The following ADAMTS17 variants were observed in gnomAD, a reference collection of about 807,000 sequenced individuals.
ADAMTS17 encodes the protein ADAM metallopeptidase with thrombospondin type 1 motif 17.
Under a neutral mutation model 141.5 loss-of-function variants are expected in ADAMTS17, and 113 were observed. The ratio of observed to expected loss-of-function variants is 0.80; its 90% CI spans 0.69 to 0.93. ADAMTS17 has a LOEUF of 0.93. Ranked by LOEUF, ADAMTS17 falls within the 40% of genes least tolerant of loss-of-function variation. ADAMTS17 has a pLI of 0.00. For missense variants in ADAMTS17, 1,659 were observed against 1,517.9 expected, an observed-to-expected ratio of 1.09 and a Z score of -1.54; for synonymous variants, 768 against 630.6, an observed-to-expected ratio of 1.22 and a Z score of -3.27.
chr15:100,292,870 C>T (rs887860227), intron 3 of ADAMTS17, among the ~76,000 whole-genome samples: 2 of 152,150 alleles, frequency 1.3e-5, no homozygotes, highest in East Asian at 1.9e-4. Flanking sequence ...TCCAGCAGGA[C>T]GAAGGATACC....
At chr15:100,223,344 G>C (rs2042193615) in intron 7 of ADAMTS17, among the ~76,000 whole-genome samples, 1 of 152,018 alleles carries the variant, frequency 6.6e-6, no homozygotes, top group Non-Finnish European at 1.5e-5. Context: ...TTTTTTTTCA[G>C]TATTAGAAGA....
chr15:100,137,836 A>G (rs936463664), intron 10 of ADAMTS17, among the ~76,000 whole-genome samples: 2 of 151,908 alleles, frequency 1.3e-5, no homozygotes, highest in Non-Finnish European at 2.9e-5. Context: ...CCACCCTTTC[A>G]CTGCCAACAC....
intron 3 of ADAMTS17, among the ~76,000 whole-genome samples, chr15:100,330,260 T>C (rs1008501530): frequency 6.6e-6 from 1 of 152,116 alleles, no homozygotes; most frequent in African/African-American, 2.4e-5. Flanking sequence ...ATCAGGATGT[T>C]GGGGGACAGG....
rs1011995546 is a variant in ADAMTS17, at chr15:100,287,144, C to T, written c.617-5743G>A. ...CAGAGGTTGCAGTGAGCCAAGATCA[C>T]GCCACCACACTCCAGCCTGGTGACA... is the stretch of plus-strand genomic sequence containing the variant. On this transcript the variant is annotated intron_variant, in intron 3 of 21. Transcript: ENST00000268070. Among the ~76,000 whole-genome samples, 13 of 152,074 alleles carry T rather than the reference C, an allele frequency of 8.5e-5. No homozygotes were observed. The East Asian group carries it at 1.4e-3, about 16-fold the overall frequency.
chr15:100,084,432 C>G (rs1046037817), intron 15 of ADAMTS17, among the ~76,000 whole-genome samples: 2 of 152,214 alleles, frequency 1.3e-5, no homozygotes, highest in South Asian at 4.1e-4. Context: ...CACAGACAAA[C>G]AAAAGGCAGG....
chr15:100,334,807 C>T (rs1319119190), intron 2 of ADAMTS17, among the ~76,000 whole-genome samples: 1 of 152,208 alleles, frequency 6.6e-6, no homozygotes, highest in Non-Finnish European at 1.5e-5. Flanking sequence ...GGGGGTCCCT[C>T]ACTTCAGTGT....
chr15:100,026,703 T>G (rs2061521367), intron 18 of ADAMTS17, among the ~76,000 whole-genome samples: 1 of 152,232 alleles, frequency 6.6e-6, no homozygotes, highest in Admixed American at 6.5e-5. Context: ...CAGGCATGGC[T>G]TCTGTTTTTA....
In ADAMTS17 at chr15:99,993,605, C is replaced by T. The variant is rs1045056127; in HGVS notation, c.2797-405G>A. Among the ~76,000 whole-genome samples, 1 of 152,186 alleles carries T rather than the reference C, an allele frequency of 6.6e-6. No individual in the cohort carries two copies. The highest frequency in any genetic ancestry group is 2.4e-5 in the African/African-American group (1 of 41,442). On this transcript the variant is annotated intron_variant, in intron 19 of 21. Transcript: ENST00000268070. This position sits in a 1 kb window ranked among gnomAD's most constrained non-coding sequence, Gnocchi z 4.3. Reference sequence around the variant, plus strand: ...CAAGGTGAGGCCCTAAAGCTGAGTCCCAGGCCCCAGATCTTTCCAGCTGGC... The same window carrying T: ...CAAGGTGAGGCCCTAAAGCTGAGTCTCAGGCCCCAGATCTTTCCAGCTGGC...
rs900529988 is a variant in ADAMTS17 at position 99,997,933 on chromosome 15, C to T, written c.2592-344G>A. Among the ~76,000 whole-genome samples, 2 of 152,178 alleles carry T rather than the reference C, an allele frequency of 1.3e-5. No individual in the cohort carries two copies. The highest frequency in any genetic ancestry group is 2.4e-5 in the African/African-American group (1 of 41,444). On this transcript the variant is annotated intron_variant, in intron 18 of 21. Transcript: ENST00000268070. This position sits in a 1 kb window ranked among gnomAD's most constrained non-coding sequence, Gnocchi z 4.7. ...CGACAGGGTGTGAGTGAAGAGGATG[C>T]TGGCGGCGTCCCGGCAGAAGCTCTG...
chr15:99,980,990 C>T (rs2573589), intron 20 of ADAMTS17, among the ~76,000 whole-genome samples: 6,908 of 152,288 alleles, frequency 0.045, 476 homozygotes, highest in African/African-American at 0.14. Flanking sequence ...CAGCACGGAA[C>T]GTTCCACAAC....
chr15:100,184,984 T>A (rs979247398), intron 8 of ADAMTS17, among the ~76,000 whole-genome samples: 5 of 152,342 alleles, frequency 3.3e-5, no homozygotes, highest in African/African-American at 1.2e-4. Flanking sequence ...TCAGACATGC[T>A]CCTCAGTGAC....
chr15:100,037,735 T>C lies in ADAMTS17; in HGVS notation c.2591+11122A>G, dbSNP rs186325243. ...AGATGTTCTTCATATAAGTTCCTTA[T>C]CAGATATATAATTTGAAAATATTTT... On this transcript the variant is annotated intron_variant, in intron 18 of 21. Coordinates refer to ENST00000268070, the MANE Select transcript of ADAMTS17 (RefSeq NM_139057.4). Among the ~76,000 whole-genome samples, 126 of 152,210 alleles carry C rather than the reference T, an allele frequency of 8.3e-4. 1 individual carries two copies. Among genetic ancestry groups the C allele is most frequent in the African/African-American group, 2.9e-3 (119 of 41,550 alleles).
chr15:100,260,184 C>T (rs931213324), intron 6 of ADAMTS17, among the ~76,000 whole-genome samples: 7 of 152,120 alleles, frequency 4.6e-5, no homozygotes, highest in South Asian at 4.2e-4. Context: ...CTGCACTGTC[C>T]GGTGTCTGGG....
chr15:100,312,282 G>A (rs886873722), intron 3 of ADAMTS17, among the ~76,000 whole-genome samples: 5 of 152,180 alleles, frequency 3.3e-5, no homozygotes, highest in Non-Finnish European at 4.4e-5. Context: ...TCAGAGTGAC[G>A]CAGTGTGAAA....
intron 15 of ADAMTS17, among the ~76,000 whole-genome samples, chr15:100,076,420 A>G (rs564398151): frequency 1.3e-5 from 2 of 152,280 alleles, no homozygotes; most frequent in East Asian, 3.9e-4. Context: ...CACAATTTTC[A>G]TCTTTTCCTT....
chr15:100,271,498 G>A (rs1307734204), intron 4 of ADAMTS17, among the ~76,000 whole-genome samples: 2 of 152,064 alleles, frequency 1.3e-5, no homozygotes, highest in Admixed American at 1.3e-4. Flanking sequence ...TTGATGCCAA[G>A]TATCTTTCCA....
rs532658106 is a variant in ADAMTS17, at chr15:100,159,916, T to C, written c.1182-4596A>G. Among the ~76,000 whole-genome samples, 10 of 152,308 alleles carry C rather than the reference T, an allele frequency of 6.6e-5. No homozygotes were observed. In the East Asian group the frequency reaches 7.7e-4, roughly 12 times the overall value. ...CGTTTTGCCTCTTTAAGAACATGCA[T>C]AGTTTCAGGAAGCCACAGGGTCTGG... On this transcript the variant is annotated intron_variant, in intron 8 of 21. Transcript: ENST00000268070.
intron 2 of ADAMTS17, among the ~76,000 whole-genome samples, chr15:100,336,445 C>T (rs1164214972): frequency 2.0e-5 from 3 of 152,218 alleles, no homozygotes. Context: ...ACTGTCTTTG[C>T]CCTTCTTCCA....
At chr15:100,040,194 C>T (rs544504179) in intron 18 of ADAMTS17, among the ~76,000 whole-genome samples, 3 of 152,220 alleles carry the variant, frequency 2.0e-5, no homozygotes, top group South Asian at 4.2e-4. Flanking sequence ...GGGAAAGGGC[C>T]GTTTTGAGAC....
Sources: gnomAD v4.1 joint callset for allele counts (sites outside exome capture counted in the v4.1 genomes callset) on GRCh38, gnomAD v4.1.1 for gene constraint, Gnocchi (gnomAD v3.1) non-coding constraint, MANE v1.5 for transcripts, NCBI Gene and HGNC (gene_info 2026-07-23, HGNC 2026-07-21) for gene names.